The following ATP11A variants were observed in gnomAD, a reference collection of about 807,000 sequenced individuals.
ATP11A encodes phospholipid-transporting ATPase IH.
ATP11A carries 81 observed loss-of-function variants against 154.4 expected under a neutral mutation model. That is an observed-to-expected ratio of 0.52 (90% CI 0.44 to 0.63). The LOEUF is 0.63. ATP11A is among the 30% of genes least tolerant of loss of function. The probability of loss-of-function intolerance (pLI) is 0.00; values close to 1 mark genes in which losing one functional copy is unlikely to be tolerated. For missense variants in ATP11A, 1,316 were observed against 1,474.3 expected, an observed-to-expected ratio of 0.89 and a Z score of 1.76; for synonymous variants, 623 against 585.9, an observed-to-expected ratio of 1.06 and a Z score of -0.91.
chr13:112,813,840 C>G (rs1310137054), intron 5 of ATP11A, among the ~76,000 whole-genome samples: 1 of 152,032 alleles, frequency 6.6e-6, no homozygotes, highest in Non-Finnish European at 1.5e-5. Context: ...CGTTTGACAT[C>G]TGCATATCCT....
chr13:112,837,389 A>T (rs9603963), intron 16 of ATP11A, among the ~76,000 whole-genome samples: 1 of 152,194 alleles, frequency 6.6e-6, no homozygotes, highest in African/African-American at 2.4e-5. Flanking sequence ...AGCAGCGTGC[A>T]GGACATTGCT....
At chr13:112,848,147 T>C (rs1451656257) in intron 17 of ATP11A, among the ~76,000 whole-genome samples, 2 of 152,156 alleles carry the variant, frequency 1.3e-5, no homozygotes, top group East Asian at 3.8e-4. Context: ...TTGATAGGAT[T>C]TCATTTAATC....
chr13:112,748,561 C>T (rs1234613977), intron 1 of ATP11A, among the ~76,000 whole-genome samples: 1 of 152,102 alleles, frequency 6.6e-6, no homozygotes, highest in Non-Finnish European at 1.5e-5. Flanking sequence ...AGACAGGGTT[C>T]TGCTCTGTCA....
intron 2 of ATP11A, among the ~76,000 whole-genome samples, chr13:112,797,080 G>A (rs1308975789): frequency 6.6e-6 from 1 of 152,024 alleles, no homozygotes; most frequent in African/African-American, 2.4e-5. Context: ...GGCCAACATG[G>A]TGAAACCCCG....
At chr13:112,794,829 A>G (rs975978452) in intron 2 of ATP11A, among the ~76,000 whole-genome samples, 20 of 148,490 alleles carry the variant, frequency 1.3e-4, no homozygotes, top group African/African-American at 5.0e-4. Flanking sequence ...GATTGTGCCA[A>G]CGCACTCCAG....
At position 112,871,774 on chromosome 13, in the gene ATP11A, G is replaced by A. The variant is rs773063177; in HGVS notation, c.3031G>A (p.Val1011Met). The change falls in exon 26 of 30, where the codon GTG (valine) becomes ATG (methionine). Residue 1011 changes from valine to methionine, a missense_variant. Physicochemically the swap from Val to Met is conservative, Grantham distance 21. This residue lies in a region of ATP11A where 294 missense variants were observed against 290.2 expected (regional missense o/e 1.01). Coordinates refer to ENST00000375645, the MANE Select transcript of ATP11A (RefSeq NM_015205.3). The part of the protein sequence containing the change: ...NWTFGTLVFT[V>M]MVFTVTLKLA... ...GACGTTTGGAACGCTGGTATTCACCGTGATGGTGTTCACAGTTACACTAAA... is the reference window on the plus strand; with the variant it reads ...GACGTTTGGAACGCTGGTATTCACCATGATGGTGTTCACAGTTACACTAAA... 16 of 1,614,072 alleles carry A rather than the reference G, an allele frequency of 9.9e-6. No individual in the cohort carries two copies. Among genetic ancestry groups the A allele is most frequent in the South Asian group, 2.2e-5 (2 of 91,088 alleles).
Position 112,854,299 on chromosome 13 carries a change from A to G in ATP11A, c.2012A>G (p.Asp671Gly). 2 of 1,614,138 alleles carry G rather than the reference A, an allele frequency of 1.2e-6. No homozygotes were observed. The highest frequency in any genetic ancestry group is 8.5e-7 in the Non-Finnish European group (1 of 1,180,032). Reference protein sequence around the residue: ...VEDRLQEKAADTIEALQKAGI... With the variant: ...VEDRLQEKAAGTIEALQKAGI... ...CTCAGGCTGCAGGAGAAAGCTGCAG[A>G]CACCATCGAGGCCCTGCAGAAGGCC... Residue 671 changes from aspartate to glycine, a missense_variant, in exon 19 of 30, where the codon GAC becomes GGC. Around this residue, in one of 5 missense-constraint regions of ATP11A, gnomAD observed 876 missense variants for 1,006.8 expected, o/e 0.87. Transcript: ENST00000375645.
chr13:112,864,556 T>C (rs1235358022), intron 25 of ATP11A, among the ~76,000 whole-genome samples: 2 of 67,776 alleles, frequency 3.0e-5, no homozygotes, highest in African/African-American at 1.4e-4. Flanking sequence ...AGTAATTCAG[T>C]GCGGCCCATG....
In ATP11A at chr13:112,875,991, A is replaced by G. The variant is rs1407577587; in HGVS notation, c.3327+50A>G. 2.0e-5 allele frequency: 32 copies of G among 1,569,752 alleles called. No homozygotes were observed. Among genetic ancestry groups the G allele is most frequent in the Non-Finnish European group, 2.6e-5 (30 of 1,159,290 alleles). ...GGGGGTGCCTCAGGGCCCTGGCCTTAGGATTGGGAGATGACCGTTTTGAAA... is the reference window on the plus strand; with the variant it reads ...GGGGGTGCCTCAGGGCCCTGGCCTTGGGATTGGGAGATGACCGTTTTGAAA... On this transcript the variant is annotated intron_variant, in intron 28 of 29. Coordinates refer to ENST00000375645, the MANE Select transcript of ATP11A (RefSeq NM_015205.3). The surrounding 1 kb of genome is among the most constrained non-coding windows in gnomAD (Gnocchi z 4.1).
chr13:112,765,210 CACAG>C (rs1475440968), intron 1 of ATP11A, among the ~76,000 whole-genome samples: 1 of 146,784 alleles, frequency 6.8e-6, no homozygotes, highest in Non-Finnish European at 1.5e-5. Context: ...CATGTCTGGA[CACAG>C]ACAGGAGAGG....
At chr13:112,763,308 C>T (rs973036845) in intron 1 of ATP11A, among the ~76,000 whole-genome samples, 1 of 152,134 alleles carries the variant, frequency 6.6e-6, no homozygotes, top group African/African-American at 2.4e-5. Flanking sequence ...AAGAGGGGCT[C>T]GGACAGGCCT....
At position 112,745,171 on chromosome 13, in the gene ATP11A, TCTC is replaced by T. The variant is rs370045074; in HGVS notation, c.40-39961_40-39959del. Among the ~76,000 whole-genome samples, 743 of 152,302 alleles carry T rather than the reference TCTC, an allele frequency of 4.9e-3. 8 individuals are homozygous for T. Among genetic ancestry groups the T allele is most frequent in the African/African-American group, 0.017 (703 of 41,552 alleles). ...TCTCCGCTTCCTGGGTTCAAGCAAT[TCTC>T]CTGCCTCAGCCTCCCAAGTAGCTGA... On this transcript the variant is annotated intron_variant, in intron 1 of 29. Coordinates refer to ENST00000375645, the MANE Select transcript of ATP11A (RefSeq NM_015205.3).
At chr13:112,768,642 G>A (rs1284960943) in intron 1 of ATP11A, among the ~76,000 whole-genome samples, 2 of 152,158 alleles carry the variant, frequency 1.3e-5, no homozygotes, top group Non-Finnish European at 2.9e-5. Flanking sequence ...CTTAAAAGGC[G>A]ACACGTATAC....
Position 112,885,647 on chromosome 13 carries a change from T to C in ATP11A, c.*3781T>C, listed in dbSNP as rs2080967771. On this transcript the variant is annotated 3_prime_UTR_variant, in exon 30 of 30. Transcript: ENST00000375645. ...ACGCACCACAAACACATGCGCAGGC[T>C]CCTGCAGGCGTGAATACACACATGC... The C allele has an allele frequency of 6.6e-6, 1 of 152,026 alleles. No individual in the cohort carries two copies. Among genetic ancestry groups the C allele is most frequent in the Admixed American group, 6.6e-5 (1 of 15,266 alleles). 9.4% of individuals were successfully genotyped at this position (152,026 alleles called of 1,614,324 possible). A position where few individuals can be genotyped will look rare whatever the true frequency, so the allele number is the denominator to read the frequency against.
intron 1 of ATP11A, among the ~76,000 whole-genome samples, chr13:112,743,754 G>A (rs17121575): frequency 0.049 from 7,397 of 152,306 alleles, 258 homozygotes; most frequent in Admixed American, 0.08. Flanking sequence ...GTAAGCTTAA[G>A]GTAACCTATA....
At chr13:112,842,487 G>A in intron 17 of ATP11A, 108 bp downstream of exon 17, 1 of 893,776 alleles carries the variant, frequency 1.1e-6, no homozygotes, top group Non-Finnish European at 1.8e-6. Context: ...TGTATTCCTT[G>A]GGGAATGTTT....
At chr13:112,698,473 T>C (rs1886135216) in intron 1 of ATP11A, among the ~76,000 whole-genome samples, 2 of 152,200 alleles carry the variant, frequency 1.3e-5, no homozygotes, top group Non-Finnish European at 2.9e-5. Context: ...CAGCTGTAAT[T>C]GCAGCAGAGC....
chr13:112,881,568 C>T (rs745331819), intron 29 of ATP11A: 17 of 1,157,328 alleles, frequency 1.5e-5, no homozygotes, highest in South Asian at 3.5e-5. Flanking sequence ...GACAGGGGGA[C>T]GGTCACTCTG....
At position 112,827,894 on chromosome 13, in the gene ATP11A, C is replaced by T. The variant is rs185575890; in HGVS notation, c.1221+1003C>T. Among the ~76,000 whole-genome samples, 20 of 152,350 alleles carry T rather than the reference C, an allele frequency of 1.3e-4. No individual in the cohort carries two copies. In the East Asian group the frequency reaches 3.9e-3, roughly 29 times the overall value. On this transcript the variant is annotated intron_variant, in intron 12 of 29. Coordinates refer to ENST00000375645, the MANE Select transcript of ATP11A (RefSeq NM_015205.3). ...GTGTTCCTCCAGCATGTCCCATACT[C>T]CTCACAGTGCTTTATTGTTTGAGTC...
Sources: allele counts gnomAD v4.1 joint callset (sites outside exome capture counted in the v4.1 genomes callset), GRCh38; gene constraint gnomAD v4.1.1; regional missense constraint gnomAD v4.1.1; non-coding constraint Gnocchi (gnomAD v3.1); transcripts MANE v1.5; gene names NCBI Gene and HGNC (gene_info 2026-07-23, HGNC 2026-07-21).